Variants in GPLD1 observed in about 807,000 individuals in gnomAD.
GPLD1 encodes glycosylphosphatidylinositol specific phospholipase D1.
In GPLD1, 84 loss-of-function variants were observed where a neutral mutation model predicts 112.6. That is an observed-to-expected ratio of 0.75 (90% CI 0.63 to 0.89). The LOEUF (loss-of-function observed/expected upper bound fraction) is 0.89. Among genes scored for constraint, GPLD1 ranks in the 40% least tolerant of loss-of-function variants. GPLD1 has a pLI of 0.00. For synonymous variants in GPLD1, 386 were observed against 403.8 expected, an observed-to-expected ratio of 0.96 and a Z score of 0.53; for missense variants, 1,044 against 1,051.5, an observed-to-expected ratio of 0.99 and a Z score of 0.10.
chr6:24,480,328 GTTGT>G (rs1422712585), intron 2 of GPLD1, among the ~76,000 whole-genome samples: 5 of 151,232 alleles, frequency 3.3e-5, no homozygotes, highest in Admixed American at 1.3e-4. Flanking sequence ...TGTTGCTGTT[GTTGT>G]TTGTTTGTGT....
upstream of GPLD1, among the ~76,000 whole-genome samples, chr6:24,490,751 C>CAA (rs35483701): frequency 5.9e-5 from 8 of 135,030 alleles, no homozygotes; most frequent in African/African-American, 8.1e-5. Context: ...GACCCTGTCT[C>CAA]AAAAAAAAAA....
intron 14 of GPLD1, among the ~76,000 whole-genome samples, chr6:24,451,906 T>C (rs1763103326): frequency 6.6e-6 from 1 of 152,200 alleles, no homozygotes; most frequent in African/African-American, 2.4e-5. Flanking sequence ...TGGTTCATTT[T>C]ATCACTATCA....
chr6:24,425,862 A>G lies in GPLD1; in HGVS notation c.*3170T>C, dbSNP rs1235823253. 2 of 152,228 alleles carry G rather than the reference A, an allele frequency of 1.3e-5. No individual in the cohort carries two copies. Among genetic ancestry groups the G allele is most frequent in the Non-Finnish European group, 2.9e-5 (2 of 68,034 alleles). 9.4% of individuals were successfully genotyped at this position (152,228 alleles called of 1,614,324 possible). A position where few individuals can be genotyped will look rare whatever the true frequency, so the allele number is the denominator to read the frequency against. On this transcript the variant is annotated 3_prime_UTR_variant, in exon 25 of 25. Coordinates refer to ENST00000230036, the MANE Select transcript of GPLD1 (RefSeq NM_001503.4). ...TATTAAAAAGCTATTTATTTTGGTG[A>G]GTTATTCCAAGAGTTGTATACAGCT...
intron 15 of GPLD1, 89 bp downstream of exon 15, chr6:24,449,700 C>T: frequency 1.2e-6 from 1 of 826,160 alleles, no homozygotes; most frequent in Non-Finnish European, 2.0e-6. Flanking sequence ...GTCTGCTTTG[C>T]TCCAGGGGCT....
chr6:24,494,304 G>A (rs2127378129), upstream of GPLD1, among the ~76,000 whole-genome samples: 1 of 152,214 alleles, frequency 6.6e-6, no homozygotes, highest in East Asian at 1.9e-4. Flanking sequence ...TTAACCTGTC[G>A]GTCACACAGC....
chr6:24,453,192 G>C (rs1763149280), intron 14 of GPLD1, among the ~76,000 whole-genome samples: 1 of 152,178 alleles, frequency 6.6e-6, no homozygotes. Context: ...TCTAAAGAAA[G>C]CCTGGCGTTT....
At chr6:24,491,507 T>C (rs1281753985), upstream of GPLD1, among the ~76,000 whole-genome samples, 1 of 152,112 alleles carries the variant, frequency 6.6e-6, no homozygotes, top group East Asian at 1.9e-4. Flanking sequence ...AAAACCAGCC[T>C]GTGCAACATG....
intron 3 of GPLD1, among the ~76,000 whole-genome samples, chr6:24,479,299 A>G (rs559093585): frequency 1.3e-5 from 2 of 152,324 alleles, no homozygotes; most frequent in Non-Finnish European, 2.9e-5. Context: ...CCTGACCGAA[A>G]TCGGCCAGAA....
Position 24,437,196 on chromosome 6 carries a change from A to C in GPLD1, c.2114T>G (p.Leu705Arg). The change falls in exon 21 of 25, where the codon CTG becomes CGG. Residue 705 changes from leucine to arginine, a missense_variant. Physicochemically the swap from Leu to Arg is moderately radical, Grantham distance 102. Coordinates refer to ENST00000230036, the MANE Select transcript of GPLD1 (RefSeq NM_001503.4). ...GCGGTCTCCGCTGAAGGTGCTGAGC[A>C]GCAGAGGCTGCGCGTCAGATGTGAG... ...YALTSDAQPL[L>R]LSTFSGDRRF... is the part of the protein sequence containing the mutation. 6.2e-7 allele frequency: 1 copy of C among 1,614,210 alleles called. No individual in the cohort carries two copies. Among genetic ancestry groups the C allele is most frequent in the Non-Finnish European group, 8.5e-7 (1 of 1,179,990 alleles).
At chr6:24,435,494 A>G (rs1762541398) in intron 22 of GPLD1, among the ~76,000 whole-genome samples, 1 of 152,138 alleles carries the variant, frequency 6.6e-6, no homozygotes, top group African/African-American at 2.4e-5. Flanking sequence ...CTCTTTGTAC[A>G]TTTTTGTATT....
intron 15 of GPLD1, among the ~76,000 whole-genome samples, chr6:24,449,287 C>T (rs1393923430): frequency 6.6e-6 from 1 of 152,082 alleles, no homozygotes; most frequent in African/African-American, 2.4e-5. Flanking sequence ...CCTCGACCTC[C>T]ACAGTCACAC....
intron 5 of GPLD1, among the ~76,000 whole-genome samples, chr6:24,473,893 G>A (rs1763912416): frequency 1.3e-5 from 2 of 152,140 alleles, no homozygotes; most frequent in African/African-American, 4.8e-5. Flanking sequence ...GGGAGGTTGA[G>A]GCGGGTGGAT....
At chr6:24,491,373 T>C (rs1764554967), upstream of GPLD1, among the ~76,000 whole-genome samples, 1 of 152,050 alleles carries the variant, frequency 6.6e-6, no homozygotes, top group Non-Finnish European at 1.5e-5. Flanking sequence ...TAACCATATA[T>C]AATACAACAA....
At chr6:24,472,249 C>T (rs1195809437) in intron 7 of GPLD1, among the ~76,000 whole-genome samples, 1 of 152,180 alleles carries the variant, frequency 6.6e-6, no homozygotes, top group African/African-American at 2.4e-5. Context: ...GATACCATTA[C>T]ACACAAACAG....
intron 13 of GPLD1, among the ~76,000 whole-genome samples, chr6:24,456,069 C>A (rs911066176): frequency 5.3e-5 from 8 of 152,024 alleles, no homozygotes; most frequent in African/African-American, 1.9e-4. Context: ...ATGATGAATT[C>A]ATTGACAAGC....
chr6:24,490,644 G>A (rs554692609), upstream of GPLD1, among the ~76,000 whole-genome samples: 8 of 152,004 alleles, frequency 5.3e-5, no homozygotes, highest in South Asian at 1.7e-3. Flanking sequence ...CCCAGCTACT[G>A]GGGAGGCTGA....
chr6:24,486,088 A>G lies in GPLD1; in HGVS notation c.140T>C (p.Val47Ala). 1 of 1,594,298 alleles carries G rather than the reference A, an allele frequency of 6.3e-7. No individual in the cohort carries two copies. The highest frequency in any genetic ancestry group is 8.6e-7 in the Non-Finnish European group (1 of 1,163,694). Residue 47 changes from valine (V) to alanine (A), a missense_variant, in exon 2 of 25, where the codon GTT (valine) becomes GCT (alanine). Transcript: ENST00000230036. Reference sequence around the variant, plus strand: ...CAAGATTTCTACCTCTCTGTAGTTAACACGCCCATTGTGAAGCTGAAGAAA... The same window carrying G: ...CAAGATTTCTACCTCTCTGTAGTTAGCACGCCCATTGTGAAGCTGAAGAAA... ...LEFLQLHNGR[V>A]NYRELLLEHQ... is the part of the protein sequence containing the mutation.
At chr6:24,466,615 T>G in intron 10 of GPLD1, 65 bp downstream of exon 10, 1 of 1,338,284 alleles carries the variant, frequency 7.5e-7, no homozygotes, top group Non-Finnish European at 1.1e-6. Flanking sequence ...AACCTGAGAG[T>G]TATGTTGGGG....
In GPLD1 at chr6:24,467,026, C is replaced by G. The variant is rs576935254; in HGVS notation, c.654-87G>C. 5 of 1,246,442 alleles carry G rather than the reference C, an allele frequency of 4.0e-6. 1 individual carries two copies. In the South Asian group the frequency reaches 6.1e-5, roughly 15 times the overall value. 77.2% of individuals were successfully genotyped at this position (1,246,442 alleles called of 1,614,324 possible). A position where few individuals can be genotyped will look rare whatever the true frequency, so the allele number is the denominator to read the frequency against. On this transcript the variant is annotated intron_variant, in intron 8 of 24. Coordinates refer to ENST00000230036, the MANE Select transcript of GPLD1 (RefSeq NM_001503.4). ...TAATGAAGAAAAAGTTCCATCCACC[C>G]TTTTCCACCGTCATGCAACTGCCTT...
Sources: allele counts gnomAD v4.1 joint callset (sites outside exome capture counted in the v4.1 genomes callset), GRCh38; gene constraint gnomAD v4.1.1; transcripts MANE v1.5; gene names NCBI Gene and HGNC (gene_info 2026-07-23, HGNC 2026-07-21).